BCAS1: variants seen among roughly 807,000 people sequenced by gnomAD.
BCAS1 encodes the protein breast carcinoma-amplified sequence 1.
In BCAS1, 46 loss-of-function variants were observed where a neutral mutation model predicts 65.4. That is an observed-to-expected ratio of 0.70 (90% CI 0.55 to 0.90). The LOEUF (loss-of-function observed/expected upper bound fraction) is 0.90, where lower values mean the gene tolerates loss of function less well. Among genes scored for constraint, BCAS1 ranks in the 40% least tolerant of loss-of-function variants. BCAS1 has a pLI of 0.00. For synonymous variants in BCAS1, 298 were observed against 293.5 expected (o/e 1.02, Z -0.16); for missense variants, 793 against 771.2 (o/e 1.03, Z -0.33).
At chr20:54,047,091 G>T (rs2092123045) in intron 3 of BCAS1, among the ~76,000 whole-genome samples, 1 of 152,182 alleles carries the variant, frequency 6.6e-6, no homozygotes. Flanking sequence ...CCTGGACTGG[G>T]ATGGCTGGAA....
At chr20:54,045,222 A>C (rs451458) in intron 3 of BCAS1, among the ~76,000 whole-genome samples, 90,457 of 149,034 alleles carry the variant, frequency 0.61, 27,771 homozygotes, top group African/African-American at 0.63. Flanking sequence ...AAAAAAAAAA[A>C]AAAACAAAAC....
chr20:54,000,342 T>C (rs182508416), intron 4 of BCAS1, among the ~76,000 whole-genome samples: 1 of 148,548 alleles, frequency 6.7e-6, no homozygotes, highest in Admixed American at 6.7e-5. Context: ...GAGAATTATA[T>C]TAAAACTCTC....
At chr20:53,994,292 T>TTCC (rs2090844201) in intron 6 of BCAS1, among the ~76,000 whole-genome samples, 1 of 152,238 alleles carries the variant, frequency 6.6e-6, no homozygotes, top group African/African-American at 2.4e-5. Context: ...AACCGTGTAT[T>TTCC]CCACTAGAGG....
At chr20:54,003,339 T>C (rs957027293) in intron 4 of BCAS1, among the ~76,000 whole-genome samples, 3 of 152,098 alleles carry the variant, frequency 2.0e-5, no homozygotes, top group African/African-American at 7.2e-5. Context: ...TGGAGTAAAT[T>C]CTTTTTTCTA....
At chr20:54,031,398 C>T (rs898538910) in intron 3 of BCAS1, among the ~76,000 whole-genome samples, 6 of 151,270 alleles carry the variant, frequency 4.0e-5, no homozygotes, top group African/African-American at 7.3e-5. Flanking sequence ...TAGAGTTCTT[C>T]GGTGATACGT....
chr20:53,945,777 T>C (rs6123330), intron 12 of BCAS1, among the ~76,000 whole-genome samples: 27,313 of 152,136 alleles, frequency 0.18, 3,163 homozygotes, highest in East Asian at 0.38. Context: ...ACAATTATTT[T>C]ATTTTATTTT....
At chr20:53,957,576 AT>A in intron 10 of BCAS1, 79 bp from the exon 11 acceptor site, 3 of 1,324,802 alleles carry the variant, frequency 2.3e-6, no homozygotes, top group Non-Finnish European at 3.3e-6. Context: ...GAAATGGATG[AT>A]CTCAGTCATT....
intron 3 of BCAS1, among the ~76,000 whole-genome samples, chr20:54,049,511 T>C (rs2092172970): frequency 6.6e-6 from 1 of 152,052 alleles, no homozygotes; most frequent in Non-Finnish European, 1.5e-5. Flanking sequence ...TGGGAAAATC[T>C]GGTCAGGTGA....
At chr20:54,037,594 TA>T (rs2091921153) in intron 3 of BCAS1, among the ~76,000 whole-genome samples, 1 of 151,714 alleles carries the variant, frequency 6.6e-6, no homozygotes, top group East Asian at 1.9e-4. Flanking sequence ...TTTATTTGGA[TA>T]AATGTCTATA....
intron 1 of BCAS1, among the ~76,000 whole-genome samples, chr20:54,062,044 T>C (rs2092382713): frequency 6.6e-6 from 1 of 152,154 alleles, no homozygotes; most frequent in Admixed American, 6.5e-5. Flanking sequence ...ATAAATAAAG[T>C]TTTGCTGGAA....
chr20:54,009,496 A>C (rs1307495371), intron 4 of BCAS1, among the ~76,000 whole-genome samples: 4 of 152,194 alleles, frequency 2.6e-5, no homozygotes, highest in Non-Finnish European at 5.9e-5. Context: ...TGCTCAAAAA[A>C]CACAAACTAT....
At chr20:54,008,566 C>T (rs903844895) in intron 4 of BCAS1, among the ~76,000 whole-genome samples, 3 of 152,176 alleles carry the variant, frequency 2.0e-5, no homozygotes, top group African/African-American at 7.2e-5. Context: ...ATGTTTGCCT[C>T]CACCTGACAG....
At chr20:53,967,119 C>T (rs200990762) in intron 9 of BCAS1, 46 bp from the exon 10 acceptor site, 2 of 1,589,974 alleles carry the variant, frequency 1.3e-6, no homozygotes, top group Non-Finnish European at 1.7e-6. Context: ...ACAAAACATT[C>T]CCCCAAAACA....
At chr20:53,947,249 TG>T (rs1452120811) in intron 12 of BCAS1, among the ~76,000 whole-genome samples, 1 of 152,206 alleles carries the variant, frequency 6.6e-6, no homozygotes, top group African/African-American at 2.4e-5. Flanking sequence ...GTATATGCAA[TG>T]TACTTTGAAC....
intron 7 of BCAS1, among the ~76,000 whole-genome samples, chr20:53,988,108 C>T (rs6013859): frequency 0.046 from 6,966 of 152,260 alleles, 202 homozygotes; most frequent in South Asian, 0.077. Flanking sequence ...GGCTCCATGG[C>T]CCCACGCTAT....
At chr20:54,005,812 T>C (rs1043498347) in intron 4 of BCAS1, among the ~76,000 whole-genome samples, 2 of 151,870 alleles carry the variant, frequency 1.3e-5, no homozygotes, top group Admixed American at 1.3e-4. Context: ...GGGATGGTGA[T>C]GGAGAAATTT....
chr20:53,968,740 A>T (rs1221539459), intron 9 of BCAS1, among the ~76,000 whole-genome samples: 2 of 152,232 alleles, frequency 1.3e-5, no homozygotes, highest in Non-Finnish European at 2.9e-5. Context: ...GCATGGATTG[A>T]CCAGACCTAA....
At chr20:54,006,709 CA>C (rs762645740) in intron 4 of BCAS1, among the ~76,000 whole-genome samples, 10,080 of 93,566 alleles carry the variant, frequency 0.11, 885 homozygotes, top group African/African-American at 0.27. Flanking sequence ...GACTCCATCT[CA>C]AAAAAAAAAA....
chr20:54,050,241 C>T (rs2092187333), intron 3 of BCAS1, among the ~76,000 whole-genome samples: 1 of 152,170 alleles, frequency 6.6e-6, no homozygotes, highest in Admixed American at 6.5e-5. Context: ...ACTGGGTCCA[C>T]CTGGATAATC....
Sources: gnomAD v4.1 joint callset for allele counts (sites outside exome capture counted in the v4.1 genomes callset) on GRCh38, gnomAD v4.1.1 for gene constraint, MANE v1.5 for transcripts, NCBI Gene and HGNC (gene_info 2026-07-23, HGNC 2026-07-21) for gene names.